RIT2: variants seen among roughly 807,000 people sequenced by gnomAD.
RIT2 encodes GTP-binding protein Rit2.
Under a neutral mutation model 23.7 loss-of-function variants are expected in RIT2, and 24 were observed. The ratio of observed to expected loss-of-function variants is 1.01; its 90% CI spans 0.73 to 1.43. RIT2 has a LOEUF of 1.43. Ranked by LOEUF, RIT2 falls within the 40% of genes most tolerant of loss-of-function variation. RIT2 has a pLI of 0.00. For missense variants in RIT2, 236 were observed against 266.9 expected (o/e 0.88, Z 0.81); for synonymous variants, 107 against 91.1 (o/e 1.17, Z -0.99).
chr18:43,004,797 G>T (rs1264536194), intron 2 of RIT2, among the ~76,000 whole-genome samples: 3 of 151,740 alleles, frequency 2.0e-5, no homozygotes, highest in Non-Finnish European at 4.4e-5. Flanking sequence ...TTCACATTGT[G>T]CTTCTTATTG....
chr18:42,756,735 T>G (rs940180526), intron 4 of RIT2, among the ~76,000 whole-genome samples: 12 of 152,282 alleles, frequency 7.9e-5, no homozygotes, highest in African/African-American at 2.9e-4. Flanking sequence ...GTGTGTTTGA[T>G]GTATATTAAA....
chr18:42,952,654 C>T (rs1459623735), intron 3 of RIT2, among the ~76,000 whole-genome samples: 1 of 151,940 alleles, frequency 6.6e-6, no homozygotes, highest in Non-Finnish European at 1.5e-5. Context: ...GTTTGTATGT[C>T]AATCATCCCT....
At chr18:42,821,284 G>T in intron 4 of RIT2, among the ~76,000 whole-genome samples, 1 of 152,114 alleles carries the variant, frequency 6.6e-6, no homozygotes, top group African/African-American at 2.4e-5. Flanking sequence ...AAATGATGTA[G>T]CACGATGAGA....
chr18:42,838,008 G>A (rs1382864096), intron 4 of RIT2, among the ~76,000 whole-genome samples: 1 of 152,062 alleles, frequency 6.6e-6, no homozygotes, highest in African/African-American at 2.4e-5. Context: ...AGATGTCATG[G>A]CAATATAAAA....
intron 4 of RIT2, among the ~76,000 whole-genome samples, chr18:42,823,294 T>C (rs995247513): frequency 6.6e-6 from 1 of 152,174 alleles, no homozygotes; most frequent in Non-Finnish European, 1.5e-5. Context: ...ACACATTTGT[T>C]TCAAAACTGT....
chr18:42,990,598 G>T (rs1200960865), intron 2 of RIT2, among the ~76,000 whole-genome samples: 1 of 152,182 alleles, frequency 6.6e-6, no homozygotes, highest in Non-Finnish European at 1.5e-5. Context: ...AGTCTCAGCT[G>T]TTTGAAAGCA....
chr18:42,973,020 C>G (rs1262763625), intron 3 of RIT2, among the ~76,000 whole-genome samples: 1 of 151,722 alleles, frequency 6.6e-6, no homozygotes, highest in Non-Finnish European at 1.5e-5. Flanking sequence ...TATTCTGACA[C>G]TTCTAATTTA....
At chr18:42,946,851 T>A (rs1482946453) in intron 3 of RIT2, among the ~76,000 whole-genome samples, 3 of 152,028 alleles carry the variant, frequency 2.0e-5, no homozygotes, top group Non-Finnish European at 4.4e-5. Flanking sequence ...GAAAGGTCAC[T>A]TTCAGCTCTG....
intron 4 of RIT2, among the ~76,000 whole-genome samples, chr18:42,830,634 T>C (rs1471544834): frequency 6.6e-6 from 1 of 152,130 alleles, no homozygotes; most frequent in African/African-American, 2.4e-5. Flanking sequence ...TTACTAATAA[T>C]CTGTAGCTGA....
chr18:42,852,522 T>A (rs1171020348), intron 4 of RIT2, among the ~76,000 whole-genome samples: 1 of 152,130 alleles, frequency 6.6e-6, no homozygotes, highest in Admixed American at 6.5e-5. Context: ...TTTTCCTCAC[T>A]TTCACCATTT....
intron 4 of RIT2, among the ~76,000 whole-genome samples, chr18:42,871,370 GTGTT>G (rs895518326): frequency 1.3e-5 from 2 of 152,084 alleles, no homozygotes; most frequent in East Asian, 3.9e-4. Flanking sequence ...ATTTAAGTGT[GTGTT>G]TGTGTGTGTG....
intron 4 of RIT2, among the ~76,000 whole-genome samples, chr18:42,855,895 G>A (rs1375619000): frequency 1.3e-5 from 2 of 152,112 alleles, no homozygotes; most frequent in Non-Finnish European, 2.9e-5. Context: ...AATCATTAGT[G>A]AAATTTTAGT....
At chr18:42,916,610 T>C (rs1908916435) in intron 4 of RIT2, among the ~76,000 whole-genome samples, 1 of 152,110 alleles carries the variant, frequency 6.6e-6, no homozygotes, top group South Asian at 2.1e-4. Context: ...CTTTTTAATT[T>C]GTAAGAGAGT....
Position 43,042,955 on chromosome 18 carries a change from C to T in RIT2, c.104-9088G>A, listed in dbSNP as rs544442713. On this transcript the variant is annotated intron_variant, in intron 1 of 4. Transcript: ENST00000326695. ...CAGCATTTTCAACAAGAATAAGAAC[C>T]ATGTACCATTTTCCACTATTAAATA... Among the ~76,000 whole-genome samples the T allele has an allele frequency of 2.0e-4, 31 of 152,014 alleles. No homozygotes were observed. In the East Asian group the frequency reaches 5.6e-3, roughly 27 times the overall value.
intron 1 of RIT2, among the ~76,000 whole-genome samples, chr18:43,045,054 A>T (rs1241754777): frequency 6.6e-6 from 1 of 152,190 alleles, no homozygotes; most frequent in Non-Finnish European, 1.5e-5. Flanking sequence ...AAAAATAGAC[A>T]TTTTCACTAA....
chr18:43,005,112 C>A (rs1057376289), intron 2 of RIT2, among the ~76,000 whole-genome samples: 7 of 151,694 alleles, frequency 4.6e-5, no homozygotes, highest in African/African-American at 1.7e-4. Flanking sequence ...TTATAGAGTG[C>A]CCAACCCCTC....
intron 1 of RIT2, among the ~76,000 whole-genome samples, chr18:43,068,277 G>T (rs959244252): frequency 6.6e-6 from 1 of 152,036 alleles, no homozygotes; most frequent in East Asian, 1.9e-4. Context: ...ATTTCAAGAG[G>T]TAAATTGCCC....
chr18:42,825,155 G>A (rs1002115025), intron 4 of RIT2, among the ~76,000 whole-genome samples: 3 of 151,658 alleles, frequency 2.0e-5, no homozygotes, highest in African/African-American at 7.3e-5. Flanking sequence ...AGTAACTGAT[G>A]AAAATTATTT....
At chr18:42,811,297 T>G (rs1258834248) in intron 4 of RIT2, among the ~76,000 whole-genome samples, 3 of 152,110 alleles carry the variant, frequency 2.0e-5, no homozygotes, top group African/African-American at 7.2e-5. Context: ...TAGCCAATAA[T>G]AACATTTTTT....
Sources: allele counts gnomAD v4.1 joint callset (sites outside exome capture counted in the v4.1 genomes callset), GRCh38; gene constraint gnomAD v4.1.1; transcripts MANE v1.5; gene names NCBI Gene and HGNC (gene_info 2026-07-23, HGNC 2026-07-21).